The following PRKACA variants were observed in gnomAD, a reference collection of about 807,000 sequenced individuals.
PRKACA encodes protein kinase cAMP-activated catalytic subunit alpha.
A neutral mutation model predicts 45.8 loss-of-function variants in PRKACA; 9 were observed. The ratio of observed to expected loss-of-function variants is 0.20; its 90% CI spans 0.12 to 0.34. The LOEUF (loss-of-function observed/expected upper bound fraction) is 0.34. Among genes scored for constraint, PRKACA ranks in the 10% least tolerant of loss-of-function variants. PRKACA has a pLI of 1.00. For synonymous variants in PRKACA, 160 were observed against 178.6 expected (o/e 0.90, Z 0.83); for missense variants, 238 against 458.6 (o/e 0.52, Z 4.39).
At chr19:14,103,334 A>G (rs1190660590) in intron 3 of PRKACA, among the ~76,000 whole-genome samples, 1 of 152,148 alleles carries the variant, frequency 6.6e-6, no homozygotes, top group Non-Finnish European at 1.5e-5. Context: ...TGGGGGGTTT[A>G]GGACCTGCCT....
At chr19:14,099,164 C>T (rs909084135) in intron 5 of PRKACA, among the ~76,000 whole-genome samples, 2 of 151,998 alleles carry the variant, frequency 1.3e-5, no homozygotes, top group African/African-American at 4.8e-5. Context: ...AGGGGGCATG[C>T]ACCTGTAGTC....
intron 5 of PRKACA, 107 bp downstream of exon 5, chr19:14,100,719 G>T: frequency 9.3e-7 from 1 of 1,069,992 alleles, no homozygotes; most frequent in Non-Finnish European, 1.4e-6. Flanking sequence ...GAGACCACCT[G>T]CATGTTGAAG....
chr19:14,108,844 C>G lies in PRKACA; in HGVS notation c.47-1435G>C, dbSNP rs560637522. On this transcript the variant is annotated intron_variant, in intron 1 of 9. Transcript: ENST00000308677. ...CCAGGTTCAGATGATTCTCCTGCCT[C>G]AGCCTCCTGAGTAGCTGGGATTACA... 3.4e-4 allele frequency among the ~76,000 whole-genome samples: 52 copies of G among 151,894 alleles called. 1 individual carries two copies. In the South Asian group the frequency reaches 1.0e-2, roughly 29 times the overall value.
intron 3 of PRKACA, 76 bp from the exon 4 acceptor site, chr19:14,102,990 AGGGATGCC>A: frequency 8.2e-7 from 1 of 1,217,418 alleles, no homozygotes; most frequent in Non-Finnish European, 1.2e-6. Context: ...GCCTGGAACT[AGGGATGCC>A]GGAGCCAGGC....
intron 1 of PRKACA, among the ~76,000 whole-genome samples, chr19:14,113,614 G>A (rs564420161): frequency 1.3e-5 from 2 of 152,282 alleles, no homozygotes; most frequent in Non-Finnish European, 2.9e-5. Context: ...CCCTTCCTCC[G>A]GACAACAATC....
Position 14,093,041 on chromosome 19 carries a change from A to G in PRKACA, c.*71T>C. 1.0e-5 allele frequency: 5 copies of G among 500,028 alleles called. No individual in the cohort carries two copies. The highest frequency in any genetic ancestry group is 1.8e-5 in the Non-Finnish European group (5 of 278,312). The allele number at this position is 500,028 out of a possible 1,614,324, so 31.0% of individuals were successfully genotyped here. The stretch of plus-strand genomic sequence containing the variant: ...CTGGGGCCCTCTGGCTGTTCAATCC[A>G]ACCCTCCCACCCCCCCGACCAAAAA... On this transcript the variant is annotated 3_prime_UTR_variant, in exon 10 of 10. Transcript: ENST00000308677.
rs1480212625 is a variant in PRKACA at position 14,097,842 on chromosome 19, C to T, written c.468G>A (p.Glu156=). ...FYAAQIVLTF[E]YLHSLDLIYR... ...AGATGAGATCCAGCGAGTGCAGATA[C>T]TCAAAGGTCAGGACGATCTGGGCCG... The change falls in exon 6 of 10, where the codon GAG becomes GAA. Residue 156 remains glutamate (E), a synonymous_variant. Transcript: ENST00000308677. This position sits in a 1 kb window ranked among gnomAD's most constrained non-coding sequence, Gnocchi z 5.4. 6.2e-7 allele frequency: 1 copy of T among 1,614,150 alleles called. No individual in the cohort carries two copies. Among genetic ancestry groups the T allele is most frequent in the Non-Finnish European group, 8.5e-7 (1 of 1,180,026 alleles).
chr19:14,094,380 G>A (rs1219962572), intron 8 of PRKACA, among the ~76,000 whole-genome samples: 2 of 151,932 alleles, frequency 1.3e-5, no homozygotes, highest in African/African-American at 4.8e-5. Context: ...GTAGAGACGG[G>A]GTTTCACCAT....
At chr19:14,108,640 G>C (rs1351369017) in intron 1 of PRKACA, among the ~76,000 whole-genome samples, 1 of 151,950 alleles carries the variant, frequency 6.6e-6, no homozygotes, top group Non-Finnish European at 1.5e-5. Flanking sequence ...TCGATCTCCT[G>C]ACCTCGTGAT....
In PRKACA at chr19:14,097,766, G is replaced by C. The variant is rs1187029155; in HGVS notation, c.544C>G (p.Gln182Glu). The C allele has an allele frequency of 1.2e-6, 2 of 1,614,222 alleles. No homozygotes were observed. Among genetic ancestry groups the C allele is most frequent in the South Asian group, 2.2e-5 (2 of 91,086 alleles). The change falls in exon 6 of 10, where the codon CAG (glutamine) becomes GAG (glutamate). Residue 182 changes from glutamine (Q) to glutamate (E), a missense_variant and splice_region_variant. Gln to Glu is a conservative substitution (Grantham distance 29). Around this residue, in one of 3 missense-constraint regions of PRKACA, gnomAD observed 94 missense variants for 240.9 expected, o/e 0.39. Coordinates refer to ENST00000308677, the MANE Select transcript of PRKACA (RefSeq NM_002730.4). This position sits in a 1 kb window ranked among gnomAD's most constrained non-coding sequence, Gnocchi z 5.4. ...NLLIDQQGYI[Q>E]VTDFGFAKRV... ...CCCTCGCCCGGCCTGGTGGGCACCT[G>C]AATGTAGCCCTGCTGGTCAATGAGC...
At chr19:14,093,828 G>A (rs756476145) in intron 8 of PRKACA, 36 bp from the exon 9 acceptor site, 36 of 1,579,542 alleles carry the variant, frequency 2.3e-5, no homozygotes, top group Non-Finnish European at 3.1e-5. Context: ...GTGGGAAGCT[G>A]GTCTGGAACT....
chr19:14,092,900 G>A lies in PRKACA; in HGVS notation c.*212C>T, dbSNP rs1977124323. The A allele has an allele frequency of 1.7e-6, 1 of 574,606 alleles. No homozygotes were observed. The highest frequency in any genetic ancestry group is 3.0e-6 in the Non-Finnish European group (1 of 337,716). 35.6% of individuals were successfully genotyped at this position (574,606 alleles called of 1,614,324 possible). A position where few individuals can be genotyped will look rare whatever the true frequency, so the allele number is the denominator to read the frequency against. On this transcript the variant is annotated 3_prime_UTR_variant, in exon 10 of 10. Transcript: ENST00000308677. ...AAGGGAAAAGTGGGAGAGGGGGCAG[G>A]AGGGTGAAGGGGATGAGGGGGAGCA...
At chr19:14,101,016 A>T (rs1977427054) in intron 4 of PRKACA, 108 bp from the exon 5 acceptor site, 2 of 921,008 alleles carry the variant, frequency 2.2e-6, no homozygotes, top group South Asian at 2.7e-5. Flanking sequence ...GACAACAGCG[A>T]TCCTGGCTCC....
At chr19:14,115,845 G>A (rs1967094016) in intron 1 of PRKACA, among the ~76,000 whole-genome samples, 1 of 151,984 alleles carries the variant, frequency 6.6e-6, no homozygotes, top group African/African-American at 2.4e-5. Flanking sequence ...CCTCCCAGCT[G>A]GCCTCACCTG....
chr19:14,107,250 A>G (rs911316071), intron 2 of PRKACA, 98 bp downstream of exon 2: 65 of 1,307,350 alleles, frequency 5.0e-5, no homozygotes, highest in South Asian at 9.0e-5. Context: ...GAAGCCTTCT[A>G]TGGGGTTTCT....
intron 1 of PRKACA, among the ~76,000 whole-genome samples, chr19:14,112,019 G>A (rs1684722042): frequency 6.6e-6 from 1 of 152,152 alleles, no homozygotes; most frequent in Admixed American, 6.5e-5. Flanking sequence ...CCACAGAGTC[G>A]CTCCACAGGG....
intron 4 of PRKACA, chr19:14,101,320 G>A (rs1251518104): frequency 1.6e-5 from 3 of 191,846 alleles, no homozygotes; most frequent in South Asian, 1.0e-4. Flanking sequence ...TATAATCCCA[G>A]TACTTTGGGA....
At chr19:14,100,487 A>C (rs1977412152) in intron 5 of PRKACA, among the ~76,000 whole-genome samples, 1 of 152,000 alleles carries the variant, frequency 6.6e-6, no homozygotes, top group African/African-American at 2.4e-5. Flanking sequence ...TAGTGGAGAC[A>C]GGGTTTTGCC....
At chr19:14,093,417 G>A (rs1977152052) in intron 9 of PRKACA, among the ~76,000 whole-genome samples, 180 bp from the exon 10 acceptor site, 2 of 152,162 alleles carry the variant, frequency 1.3e-5, no homozygotes, top group South Asian at 4.1e-4. Context: ...CATCAAAGGG[G>A]AAATTACTTC....
Sources: allele counts gnomAD v4.1 joint callset (sites outside exome capture counted in the v4.1 genomes callset), GRCh38; gene constraint gnomAD v4.1.1; regional missense constraint gnomAD v4.1.1; non-coding constraint Gnocchi (gnomAD v3.1); transcripts MANE v1.5; gene names NCBI Gene and HGNC (gene_info 2026-07-23, HGNC 2026-07-21).